Variants in DNAH17 observed in about 807,000 individuals in gnomAD.
DNAH17 encodes dynein axonemal heavy chain 17, also known as axonemal beta dynein heavy chain 17.
DNAH17 carries 376 observed loss-of-function variants against 485.6 expected under a neutral mutation model. That is an observed-to-expected ratio of 0.77 (90% CI 0.71 to 0.84). The LOEUF (loss-of-function observed/expected upper bound fraction) is 0.84, where lower values mean the gene tolerates loss of function less well. Among genes scored for constraint, DNAH17 ranks in the 40% least tolerant of loss-of-function variants. The pLI is 0.00. For synonymous variants in DNAH17, 3,031 were observed against 2,405.9 expected, an observed-to-expected ratio of 1.26 and a Z score of -7.60; for missense variants, 6,370 against 5,839.3, an observed-to-expected ratio of 1.09 and a Z score of -2.96.
chr17:78,426,800 G>T, intron 78 of DNAH17, 126 bp downstream of exon 78: 1 of 1,308,846 alleles, frequency 7.6e-7, no homozygotes, highest in Non-Finnish European at 1.1e-6. Flanking sequence ...AACTGCCAGA[G>T]CTCTGGAGAG....
chr17:78,566,955 G>C (rs748765390), intron 10 of DNAH17, 44 bp downstream of exon 10: 2 of 1,576,738 alleles, frequency 1.3e-6, no homozygotes, highest in Admixed American at 1.8e-5. Context: ...GGCTGGTGCT[G>C]TTCTCACCGA....
intron 26 of DNAH17, among the ~76,000 whole-genome samples, chr17:78,513,937 G>A (rs1318125199): frequency 6.6e-6 from 1 of 152,188 alleles, no homozygotes; most frequent in Non-Finnish European, 1.5e-5. Context: ...CAGAGTAGCT[G>A]CTTAAAGTCA....
chr17:78,548,327 C>T (rs2091822723), intron 16 of DNAH17, among the ~76,000 whole-genome samples: 1 of 150,922 alleles, frequency 6.6e-6, no homozygotes, highest in South Asian at 2.1e-4. Context: ...GCCTCAGCCT[C>T]CCAAGTAGCT....
intron 25 of DNAH17, among the ~76,000 whole-genome samples, chr17:78,521,980 C>T (rs536457717): frequency 2.0e-5 from 3 of 152,202 alleles, no homozygotes; most frequent in South Asian, 2.1e-4. Context: ...AGTGAGACTC[C>T]GCCTCAAAAC....
At chr17:78,433,931 G>GGGAGGGAA (rs1184577215) in intron 75 of DNAH17, 98 bp downstream of exon 75, 19 of 862,988 alleles carry the variant, frequency 2.2e-5, no homozygotes, top group Non-Finnish European at 3.3e-6. Flanking sequence ...GAAGGAAGGA[G>GGGAGGGAA]GGAGGGAAGG....
At chr17:78,450,138 C>G (rs1598467944) in intron 68 of DNAH17, 116 bp downstream of exon 68, 1 of 1,277,342 alleles carries the variant, frequency 7.8e-7, no homozygotes, top group African/African-American at 1.5e-5. Context: ...ACCAGGTCTG[C>G]CCTCTGAGGG....
At position 78,507,697 on chromosome 17, in the gene DNAH17, G is replaced by C; in HGVS notation, c.4345C>G (p.Leu1449Val). The change falls in exon 28 of 81, where the codon CTG (leucine) becomes GTG (valine). Residue 1449 changes from leucine (L) to valine (V), a missense_variant. Transcript: ENST00000389840. ...TGCAGCTGCACCTGGTTGTCCTCCA[G>C]CGTCTCCACCAGCACCTCGCTGGAC... Reference protein sequence around the residue: ...LKSSEVLVETLEDNQVQLQNL... With the variant: ...LKSSEVLVETVEDNQVQLQNL... 6.2e-7 allele frequency: 1 copy of C among 1,610,766 alleles called. No homozygotes were observed. The highest frequency in any genetic ancestry group is 8.5e-7 in the Non-Finnish European group (1 of 1,179,748).
At chr17:78,568,138 A>G (rs560675191) in intron 9 of DNAH17, among the ~76,000 whole-genome samples, 2 of 152,164 alleles carry the variant, frequency 1.3e-5, no homozygotes, top group Non-Finnish European at 2.9e-5. Flanking sequence ...TGGACAGCAA[A>G]GCCATTTCCT....
At chr17:78,439,512 G>A (rs958606809) in intron 72 of DNAH17, among the ~76,000 whole-genome samples, 3 of 151,984 alleles carry the variant, frequency 2.0e-5, no homozygotes, top group South Asian at 2.1e-4. Flanking sequence ...GGAGCCACTC[G>A]TCTACAGTCT....
intron 25 of DNAH17, among the ~76,000 whole-genome samples, chr17:78,523,075 T>C (rs1023176179): frequency 2.2e-4 from 34 of 152,166 alleles, no homozygotes; most frequent in African/African-American, 8.0e-4. Context: ...AGTCTGGTCT[T>C]GAACTCCTGA....
chr17:78,567,491 G>C (rs1248170908), intron 9 of DNAH17, among the ~76,000 whole-genome samples: 1 of 152,188 alleles, frequency 6.6e-6, no homozygotes, highest in Non-Finnish European at 1.5e-5. Flanking sequence ...ATCACACTCT[G>C]CTGGGACCTC....
chr17:78,571,214 G>C (rs2092352735), intron 5 of DNAH17, 65 bp downstream of exon 5: 1 of 1,458,936 alleles, frequency 6.9e-7, no homozygotes, highest in African/African-American at 1.4e-5. Context: ...TGACAAGTCT[G>C]ACCCAGCCCT....
chr17:78,443,040 G>A (rs2087134684), intron 71 of DNAH17, among the ~76,000 whole-genome samples: 1 of 152,176 alleles, frequency 6.6e-6, no homozygotes, highest in South Asian at 2.1e-4. Context: ...CAATGCTGAG[G>A]GATGATCTGC....
chr17:78,523,551 A>G (rs1279305377), intron 25 of DNAH17, among the ~76,000 whole-genome samples: 2 of 152,270 alleles, frequency 1.3e-5, no homozygotes, highest in East Asian at 3.8e-4. Flanking sequence ...AAAAAAAGTC[A>G]ACTAGAAAAT....
chr17:78,468,865 A>G lies in DNAH17; in HGVS notation c.8530T>C (p.Tyr2844His), dbSNP rs757776042. 1.2e-6 allele frequency: 2 copies of G among 1,613,644 alleles called. No individual in the cohort carries two copies. Among genetic ancestry groups the G allele is most frequent in the Admixed American group, 3.3e-5 (2 of 60,030 alleles). The change falls in exon 55 of 81, where the codon TAC becomes CAC. Residue 2844 changes from tyrosine to histidine, a missense_variant. By Grantham distance (83) the Tyr-to-His change is moderately conservative. Coordinates refer to ENST00000389840, the MANE Select transcript of DNAH17 (RefSeq NM_173628.4). ...ACGTTCTTCACGGCAGCCTTTATGT[A>G]CTGAGCAGCGAGGTCAATCTGGACG... The part of the protein sequence containing the change: ...PDLKIDLAAQ[Y>H]IKAAVKNVPS...
chr17:78,558,390 T>G, intron 13 of DNAH17, 136 bp from the exon 14 acceptor site: 1 of 1,108,734 alleles, frequency 9.0e-7, no homozygotes, highest in Non-Finnish European at 1.3e-6. Context: ...GGAGGCAGTA[T>G]TTGTTGGCAG....
In DNAH17 at chr17:78,569,378, A is replaced by C; in HGVS notation, c.1194T>G (p.Phe398Leu). The C allele has an allele frequency of 6.2e-7, 1 of 1,613,062 alleles. No individual in the cohort carries two copies. Among genetic ancestry groups the C allele is most frequent in the Non-Finnish European group, 8.5e-7 (1 of 1,179,484 alleles). The change falls in exon 8 of 81, where the codon TTT (phenylalanine) becomes TTG (leucine). Residue 398 changes from phenylalanine to leucine, a missense_variant. Coordinates refer to ENST00000389840, the MANE Select transcript of DNAH17 (RefSeq NM_173628.4). ...TCGCCCTGCGAGGAAGGGGTACCTT[A>C]AAGAAAAGCTTCATGTTCACGCAGC... Reference protein sequence around the residue: ...DFCCVNMKLFFKDKEPVPWEF... With the variant: ...DFCCVNMKLFLKDKEPVPWEF...
In DNAH17 at chr17:78,552,747, A is replaced by C; in HGVS notation, c.2237T>G (p.Ile746Ser). The change falls in exon 15 of 81, where the codon ATT (isoleucine) becomes AGT (serine). Residue 746 changes from isoleucine to serine, a missense_variant. By Grantham distance (142) the Ile-to-Ser change is moderately radical (BLOSUM62 -2). Coordinates refer to ENST00000389840, the MANE Select transcript of DNAH17 (RefSeq NM_173628.4). ...TTCAGCGCTCAATAACTTGACATCA[A>C]TTGCTTCCAGTTCTGACTTTATTAG... ...FLLIKSELEA[I>S]DVKLLSAETT... 1 of 1,613,842 alleles carries C rather than the reference A, an allele frequency of 6.2e-7. No individual in the cohort carries two copies. Among genetic ancestry groups the C allele is most frequent in the Non-Finnish European group, 8.5e-7 (1 of 1,179,828 alleles).
intron 25 of DNAH17, among the ~76,000 whole-genome samples, chr17:78,515,723 G>A (rs918136396): frequency 1.3e-5 from 2 of 152,156 alleles, no homozygotes; most frequent in African/African-American, 2.4e-5. Context: ...GGGCATCGCC[G>A]AAATACAGCC....
Sources: allele counts gnomAD v4.1 joint callset (sites outside exome capture counted in the v4.1 genomes callset), GRCh38; gene constraint gnomAD v4.1.1; transcripts MANE v1.5; gene names NCBI Gene and HGNC (gene_info 2026-07-23, HGNC 2026-07-21).